Variants in MED12L observed in about 807,000 individuals in gnomAD.
MED12L encodes mediator complex subunit 12L, also known as mediator of RNA polymerase II transcription subunit 12-like protein.
Under a neutral mutation model 281.3 loss-of-function variants are expected in MED12L, and 60 were observed. The observed-to-expected ratio is 0.21, with a 90% CI of 0.17 to 0.26. MED12L has a LOEUF of 0.26. MED12L is among the 10% of genes least tolerant of loss of function. MED12L has a pLI of 1.00. For synonymous variants in MED12L, 974 were observed against 987.2 expected (o/e 0.99, Z 0.25); for missense variants, 2,146 against 2,680.9 (o/e 0.80, Z 4.41).
chr3:151,344,216 A>G (rs1308375560), intron 16 of MED12L, among the ~76,000 whole-genome samples: 1 of 152,054 alleles, frequency 6.6e-6, no homozygotes, highest in African/African-American at 2.4e-5. Flanking sequence ...AGCTGTGTAG[A>G]ACAAAGATTT....
At chr3:151,130,712 C>G (rs890611488) in intron 5 of MED12L, among the ~76,000 whole-genome samples, 1 of 152,224 alleles carries the variant, frequency 6.6e-6, no homozygotes, top group African/African-American at 2.4e-5. Context: ...CTCCCTTGCT[C>G]CACTGTGGTC....
At chr3:151,096,151 C>A (rs564172564) in intron 2 of MED12L, among the ~76,000 whole-genome samples, 1 of 152,286 alleles carries the variant, frequency 6.6e-6, no homozygotes, top group African/African-American at 2.4e-5. Context: ...GGAGAAAAGA[C>A]AACATGAGGA....
At chr3:151,206,371 G>A (rs1726356995) in intron 16 of MED12L, among the ~76,000 whole-genome samples, 1 of 151,568 alleles carries the variant, frequency 6.6e-6, no homozygotes, top group Non-Finnish European at 1.5e-5. Context: ...AGAATGGCTG[G>A]GTACATTACC....
At chr3:151,127,324 C>T (rs1048602456) in intron 4 of MED12L, among the ~76,000 whole-genome samples, 3 of 152,128 alleles carry the variant, frequency 2.0e-5, no homozygotes, top group Admixed American at 1.3e-4. Flanking sequence ...GTACTAATGT[C>T]ACTTTTAGAA....
intron 11 of MED12L, among the ~76,000 whole-genome samples, chr3:151,175,836 A>G (rs1044123016): frequency 3.9e-5 from 6 of 152,214 alleles, no homozygotes; most frequent in African/African-American, 1.4e-4. Flanking sequence ...ATAGATGAAG[A>G]TAACATCATT....
intron 16 of MED12L, among the ~76,000 whole-genome samples, chr3:151,315,121 C>CAGGCTTTTCT (rs1748065194): frequency 6.6e-6 from 1 of 152,148 alleles, no homozygotes. Context: ...ATGGATTTTC[C>CAGGCTTTTCT]AGGCTTTTCT....
At position 151,106,895 on chromosome 3, in the gene MED12L, A is replaced by C. The variant is rs545221633; in HGVS notation, c.100-9443A>C. On this transcript the variant is annotated intron_variant, in intron 2 of 44. Transcript: ENST00000687756. ...TTTTTCATCCATTTCCTATCAACTTATCTGTCTCTATATTTAAAGTATGTC... is the reference window on the plus strand; with the variant it reads ...TTTTTCATCCATTTCCTATCAACTTCTCTGTCTCTATATTTAAAGTATGTC... Among the ~76,000 whole-genome samples, 98 of 152,188 alleles carry C rather than the reference A, an allele frequency of 6.4e-4. 1 individual carries two copies. The South Asian group carries it at 0.014, about 22-fold the overall frequency.
chr3:151,198,814 G>C, intron 16 of MED12L: 1 of 1,613,532 alleles, frequency 6.2e-7, no homozygotes, highest in Non-Finnish European at 8.5e-7. Flanking sequence ...TGATGGCTGA[G>C]AAATTTAAAA....
intron 16 of MED12L, among the ~76,000 whole-genome samples, chr3:151,303,267 G>A (rs1026295511): frequency 1.3e-5 from 2 of 152,146 alleles, no homozygotes; most frequent in South Asian, 2.1e-4. Context: ...GGACAAACAC[G>A]TACTGGGAAG....
In MED12L at chr3:151,413,943, G is replaced by A. The variant is rs116820379; in HGVS notation, c.6297+648G>A. 8.3e-3 allele frequency among the ~76,000 whole-genome samples: 1,264 copies of A among 151,404 alleles called. 14 individuals carry two copies. Among genetic ancestry groups the A allele is most frequent in the South Asian group, 0.01 (50 of 4,784 alleles). The stretch of plus-strand genomic sequence containing the variant: ...CCAGGCTGGACAACCTCCACCTCCC[G>A]GGTTCAAGTGATTCTCCTGCCTCAG... On this transcript the variant is annotated intron_variant, in intron 42 of 44. Coordinates refer to ENST00000687756, the MANE Select transcript of MED12L (RefSeq NM_001393769.1).
chr3:151,369,596 A>T lies in MED12L; in HGVS notation c.3664+47A>T, dbSNP rs757608174. 26 of 1,215,304 alleles carry T rather than the reference A, an allele frequency of 2.1e-5. No individual in the cohort carries two copies. In the Admixed American group the frequency reaches 5.5e-4, roughly 26 times the overall value. 75.3% of individuals were successfully genotyped at this position (1,215,304 alleles called of 1,614,324 possible). ...GCTTCTTGGTTAATCACCAGAAATGAAGGCAAAATAATTTATTTTCAGGTT... is the reference window on the plus strand; with the variant it reads ...GCTTCTTGGTTAATCACCAGAAATGTAGGCAAAATAATTTATTTTCAGGTT... On this transcript the variant is annotated intron_variant, in intron 26 of 44. Transcript: ENST00000687756.
chr3:151,118,815 TC>T (rs1713282784), intron 3 of MED12L, among the ~76,000 whole-genome samples: 2 of 152,098 alleles, frequency 1.3e-5, no homozygotes, highest in Admixed American at 6.5e-5. Flanking sequence ...TGCCTCAGCC[TC>T]CCGAGTAGCT....
intron 11 of MED12L, among the ~76,000 whole-genome samples, chr3:151,185,013 C>G (rs1723103714): frequency 6.6e-6 from 1 of 151,900 alleles, no homozygotes; most frequent in African/African-American, 2.4e-5. Flanking sequence ...GTTTTTTTCC[C>G]TTACTATTTG....
intron 16 of MED12L, among the ~76,000 whole-genome samples, chr3:151,267,026 T>C (rs1347219196): frequency 2.0e-5 from 3 of 152,362 alleles, no homozygotes; most frequent in African/African-American, 4.8e-5. Context: ...ACATCTATAC[T>C]GTAAAGTACA....
chr3:151,415,433 T>C lies in MED12L; in HGVS notation c.6298-879T>C, dbSNP rs188659150. Among the ~76,000 whole-genome samples the C allele has an allele frequency of 2.0e-5, 3 of 152,370 alleles. No homozygotes were observed. In the East Asian group the frequency reaches 5.8e-4, roughly 29 times the overall value. On this transcript the variant is annotated intron_variant, in intron 42 of 44. Transcript: ENST00000687756. ...TTGGGTCCAACTTGCGTTGTTCTTG[T>C]TGGGATCATGCTACCCAGACCTCTG...
chr3:151,292,882 C>T (rs1340129616), intron 16 of MED12L, among the ~76,000 whole-genome samples: 3 of 152,116 alleles, frequency 2.0e-5, no homozygotes, highest in African/African-American at 7.2e-5. Flanking sequence ...ATTGCCTTTT[C>T]TTAATTAGCT....
At position 151,436,447 on chromosome 3, in the gene MED12L, ATTGTTAT is replaced by A. The variant is rs1219499541; in HGVS notation, c.*3649_*3655del. 5.3e-6 allele frequency: 2 copies of A among 376,744 alleles called. No individual in the cohort carries two copies. The highest frequency in any genetic ancestry group is 4.2e-5 in the African/African-American group (2 of 47,812). 23.3% of individuals were successfully genotyped at this position (376,744 alleles called of 1,614,324 possible). A position where few individuals can be genotyped will look rare whatever the true frequency, so the allele number is the denominator to read the frequency against. On this transcript the variant is annotated 3_prime_UTR_variant, in exon 45 of 45. Coordinates refer to ENST00000687756, the MANE Select transcript of MED12L (RefSeq NM_001393769.1). ...TAGTGAACCGTTTCAATGTTTGTTT[ATTGTTAT>A]TTGTTGGCAAAATAAAAGTGCCTTA...
chr3:151,128,763 T>C (rs1714919236), intron 5 of MED12L, among the ~76,000 whole-genome samples: 1 of 152,262 alleles, frequency 6.6e-6, no homozygotes, highest in Non-Finnish European at 1.5e-5. Flanking sequence ...GTTATTATTT[T>C]ATTCAATGTC....
At chr3:151,332,105 G>A (rs989099066) in intron 16 of MED12L, among the ~76,000 whole-genome samples, 1 of 152,214 alleles carries the variant, frequency 6.6e-6, no homozygotes, top group South Asian at 2.1e-4. Flanking sequence ...TGAAAGCAGT[G>A]TGATCAGAAG....
Sources: gnomAD v4.1 joint callset for allele counts (sites outside exome capture counted in the v4.1 genomes callset) on GRCh38, gnomAD v4.1.1 for gene constraint, MANE v1.5 for transcripts, NCBI Gene and HGNC (gene_info 2026-07-23, HGNC 2026-07-21) for gene names.